Variants in ZFHX3 observed in about 807,000 individuals in gnomAD.
ZFHX3 encodes the protein zinc finger homeobox 3.
Under a neutral mutation model 279.1 loss-of-function variants are expected in ZFHX3, and 42 were observed. The ratio of observed to expected loss-of-function variants is 0.15; its 90% CI spans 0.12 to 0.19. The LOEUF (loss-of-function observed/expected upper bound fraction) is 0.19. Ranked by LOEUF, ZFHX3 falls within the 10% of genes least tolerant of loss-of-function variation. The pLI is 1.00. For synonymous variants in ZFHX3, 2,293 were observed against 1,957.8 expected (o/e 1.17, Z -4.52); for missense variants, 4,981 against 4,754.0 (o/e 1.05, Z -1.40).
intron 2 of ZFHX3, among the ~76,000 whole-genome samples, chr16:73,507,192 T>C (rs760799643): frequency 3.3e-5 from 5 of 152,148 alleles, no homozygotes; most frequent in Non-Finnish European, 5.9e-5. Flanking sequence ...TTTTATTTTG[T>C]GGGGAGAAGA....
chr16:72,845,904 C>T (rs1280204346), intron 4 of ZFHX3, among the ~76,000 whole-genome samples: 1 of 152,166 alleles, frequency 6.6e-6, no homozygotes, highest in African/African-American at 2.4e-5. Flanking sequence ...GGTCACATAG[C>T]TAGGAGGTGA....
chr16:73,363,357 G>T (rs767307097), intron 3 of ZFHX3, among the ~76,000 whole-genome samples: 2 of 152,210 alleles, frequency 1.3e-5, no homozygotes, highest in Admixed American at 1.3e-4. Context: ...TTTTAAAAAC[G>T]ATTCCAAATT....
chr16:73,758,236 T>C (rs1007785937), intron 1 of ZFHX3, among the ~76,000 whole-genome samples: 18 of 24,754 alleles, frequency 7.3e-4, no homozygotes, highest in African/African-American at 1.6e-3. Context: ...TACTAGAAAT[T>C]CATTCATTCA....
chr16:73,711,567 T>C (rs748261798), intron 1 of ZFHX3, among the ~76,000 whole-genome samples: 1 of 152,030 alleles, frequency 6.6e-6, no homozygotes, highest in Non-Finnish European at 1.5e-5. Context: ...AGAAGCAGTC[T>C]TCTGAAGTGG....
chr16:73,070,710 GTCTCTC>G (rs3081669), intron 8 of ZFHX3, among the ~76,000 whole-genome samples: 36 of 148,082 alleles, frequency 2.4e-4, no homozygotes, highest in African/African-American at 3.5e-4. Context: ...TGACATCATT[GTCTCTC>G]TCTCTCTCTC....
At chr16:72,919,193 G>A (rs888636579) in intron 3 of ZFHX3, among the ~76,000 whole-genome samples, 1 of 151,068 alleles carries the variant, frequency 6.6e-6, no homozygotes, top group Non-Finnish European at 1.5e-5. Context: ...GTCTCACTCT[G>A]TTGCCCAGGC....
chr16:73,285,028 T>C (rs1280192181), intron 4 of ZFHX3, among the ~76,000 whole-genome samples: 1 of 152,206 alleles, frequency 6.6e-6, no homozygotes, highest in East Asian at 1.9e-4. Context: ...AAATTTTCTT[T>C]TTTGTAGAGA....
chr16:73,579,096 G>C lies in ZFHX3; in HGVS notation c.-1547+101084C>G, dbSNP rs528190546. Among the ~76,000 whole-genome samples the C allele has an allele frequency of 4.7e-4, 71 of 152,268 alleles. No homozygotes were observed. In the South Asian group the frequency reaches 5.0e-3, roughly 11 times the overall value. The stretch of plus-strand genomic sequence containing the variant: ...AAGCCCGCACCTGGAAGCTTCATCT[G>C]CGTGATAAAACCTTAGTCTCCACAA... On this transcript the variant is annotated intron_variant, in intron 2 of 17. Transcript: ENST00000641206.
At chr16:73,681,989 G>C (rs982361063) in intron 1 of ZFHX3, among the ~76,000 whole-genome samples, 2 of 152,104 alleles carry the variant, frequency 1.3e-5, no homozygotes, top group South Asian at 2.1e-4. Context: ...TGAGGATCAA[G>C]TGAGCTCACG....
chr16:72,982,192 A>G (rs923368376), intron 1 of ZFHX3, among the ~76,000 whole-genome samples: 1 of 152,050 alleles, frequency 6.6e-6, no homozygotes, highest in East Asian at 1.9e-4. Flanking sequence ...CTTTCTACAC[A>G]TTTTCAAACA....
At chr16:73,582,618 G>A (rs1398973650) in intron 2 of ZFHX3, among the ~76,000 whole-genome samples, 2 of 151,824 alleles carry the variant, frequency 1.3e-5, no homozygotes, top group South Asian at 2.1e-4. Context: ...GGGATTACAG[G>A]TGCCCAGCAC....
In ZFHX3 at chr16:73,541,700, C is replaced by T. The variant is rs16972154; in HGVS notation, c.-1546-85442G>A. On this transcript the variant is annotated intron_variant, in intron 2 of 17. Coordinates refer to the ZFHX3 transcript ENST00000641206. ...GCTTGGATGAGAGAGAGGCGGCTCG[C>T]GAGGCAAATACGGGAGTGCAGTCGC... 5.6e-3 allele frequency among the ~76,000 whole-genome samples: 837 copies of T among 150,270 alleles called. 6 individuals are homozygous for T. The highest frequency in any genetic ancestry group is 0.02 in the African/African-American group (804 of 41,004).
intron 2 of ZFHX3, among the ~76,000 whole-genome samples, chr16:73,670,627 A>G (rs2142184458): frequency 6.6e-6 from 1 of 152,356 alleles, no homozygotes; most frequent in Non-Finnish European, 1.5e-5. Context: ...GGAAAAAACA[A>G]TAGGGAAAAC....
chr16:73,701,934 A>G (rs1343308787), intron 1 of ZFHX3, among the ~76,000 whole-genome samples: 2 of 152,170 alleles, frequency 1.3e-5, no homozygotes, highest in African/African-American at 4.8e-5. Context: ...ACCCGTAAAA[A>G]AAGCAAGGAG....
intron 3 of ZFHX3, among the ~76,000 whole-genome samples, chr16:73,445,815 T>G (rs561564137): frequency 6.6e-6 from 1 of 152,252 alleles, no homozygotes; most frequent in East Asian, 1.9e-4. Flanking sequence ...ACAGCAGGGT[T>G]AGTGTGTAAA....
rs566054513 is a variant in ZFHX3, at chr16:73,642,143, C to T, written c.-1547+38037G>A. 2.6e-5 allele frequency among the ~76,000 whole-genome samples: 4 copies of T among 152,296 alleles called. No homozygotes were observed. The East Asian group carries it at 7.7e-4, about 29-fold the overall frequency. The stretch of plus-strand genomic sequence containing the variant: ...GGTTCATGAACTCAGACTTAATTCC[C>T]AGTCTCTCGTGAAAGCAGCTCTGAT... On this transcript the variant is annotated intron_variant, in intron 2 of 17. Transcript: ENST00000641206.
chr16:73,279,793 G>A (rs573404617), intron 4 of ZFHX3, among the ~76,000 whole-genome samples: 1 of 152,238 alleles, frequency 6.6e-6, no homozygotes, highest in East Asian at 1.9e-4. Flanking sequence ...ACAGAGTCTT[G>A]CAACTGAGCA....
chr16:73,250,536 C>T (rs961973467), intron 5 of ZFHX3, among the ~76,000 whole-genome samples: 5 of 151,956 alleles, frequency 3.3e-5, no homozygotes, highest in Admixed American at 2.6e-4. Flanking sequence ...TTTATTTATT[C>T]ATTTATTTAT....
intron 5 of ZFHX3, among the ~76,000 whole-genome samples, chr16:73,149,180 A>G (rs988918932): frequency 7.2e-6 from 1 of 139,158 alleles, no homozygotes; most frequent in African/African-American, 2.7e-5. Context: ...AATAAATGCC[A>G]ATATATTTTA....
Sources: gnomAD v4.1 joint callset for allele counts (sites outside exome capture counted in the v4.1 genomes callset) on GRCh38, gnomAD v4.1.1 for gene constraint, MANE v1.5 for transcripts, NCBI Gene and HGNC (gene_info 2026-07-23, HGNC 2026-07-21) for gene names.